The following GRK3 variants were observed in gnomAD, a reference collection of about 807,000 sequenced individuals.
GRK3 encodes G protein-coupled receptor kinase 3.
Under a neutral mutation model 95.7 loss-of-function variants are expected in GRK3, and 54 were observed. The ratio of observed to expected loss-of-function variants is 0.56; its 90% CI spans 0.45 to 0.71. The LOEUF is 0.71. GRK3 is among the 30% of genes least tolerant of loss of function. The pLI is 0.00. For missense variants in GRK3, 649 were observed against 851.2 expected, an observed-to-expected ratio of 0.76 and a Z score of 2.96; for synonymous variants, 281 against 290.8, an observed-to-expected ratio of 0.97 and a Z score of 0.34.
At chr22:25,591,727 C>T (rs182457274) in intron 1 of GRK3, among the ~76,000 whole-genome samples, 1 of 152,310 alleles carries the variant, frequency 6.6e-6, no homozygotes, top group South Asian at 2.1e-4. Flanking sequence ...GCTCCTGCCT[C>T]TTTGTAATCA....
intron 3 of GRK3, among the ~76,000 whole-genome samples, chr22:25,650,370 A>G (rs1176938692): frequency 6.6e-6 from 1 of 152,146 alleles, no homozygotes; most frequent in Non-Finnish European, 1.5e-5. Context: ...TATCCAATCC[A>G]AGGGGAAATC....
chr22:25,684,445 G>A (rs2085098083), intron 9 of GRK3: 1 of 152,164 alleles, frequency 6.6e-6, no homozygotes. Context: ...CTTTACAATT[G>A]AGTTATTGAG....
At chr22:25,650,002 T>C (rs1367007143) in intron 3 of GRK3, among the ~76,000 whole-genome samples, 1 of 152,112 alleles carries the variant, frequency 6.6e-6, no homozygotes, top group Non-Finnish European at 1.5e-5. Context: ...TGATTTTTTT[T>C]TTTTTTTGAG....
At chr22:25,653,500 G>A (rs1344092063) in intron 3 of GRK3, among the ~76,000 whole-genome samples, 1 of 152,098 alleles carries the variant, frequency 6.6e-6, no homozygotes, top group Admixed American at 6.6e-5. Context: ...TAACTTCAAA[G>A]AATATAAAGC....
chr22:25,667,879 TA>T (rs2146408280), intron 6 of GRK3, 79 bp downstream of exon 6: 1 of 811,862 alleles, frequency 1.2e-6, no homozygotes, highest in East Asian at 2.5e-5. Flanking sequence ...ATGCTGACCT[TA>T]AAATGTGTGT....
At chr22:25,685,701 A>G (rs2085107548) in intron 10 of GRK3, among the ~76,000 whole-genome samples, 1 of 152,198 alleles carries the variant, frequency 6.6e-6, no homozygotes, top group African/African-American at 2.4e-5. Context: ...AATCTGCACT[A>G]CTGTACATTG....
intron 13 of GRK3, among the ~76,000 whole-genome samples, chr22:25,698,854 C>T (rs141756813): frequency 9.3e-4 from 142 of 152,180 alleles, no homozygotes; most frequent in East Asian, 8.9e-3. Flanking sequence ...AATGACATGG[C>T]GGCATTGCAG....
Position 25,664,731 on chromosome 22 carries a change from G to A in GRK3, c.441+1027G>A, listed in dbSNP as rs191079350. ...AGACGGGGTTTCATTGTGTTAGCCA[G>A]GATGGTCTTGATCTCCTGATCTTGT... is the stretch of plus-strand genomic sequence containing the variant. On this transcript the variant is annotated intron_variant, in intron 5 of 20. Coordinates refer to ENST00000324198, the MANE Select transcript of GRK3 (RefSeq NM_005160.4). 5.0e-3 allele frequency among the ~76,000 whole-genome samples: 754 copies of A among 152,154 alleles called. 9 individuals are homozygous for A. Among genetic ancestry groups the A allele is most frequent in the Non-Finnish European group, 6.3e-3 (427 of 67,990 alleles).
At chr22:25,567,881 A>G (rs192232518) in intron 1 of GRK3, among the ~76,000 whole-genome samples, 31 of 152,380 alleles carry the variant, frequency 2.0e-4, no homozygotes, top group African/African-American at 7.2e-4. Flanking sequence ...CCTGCCTATT[A>G]CAGGAGAGTC....
rs1417014904 is a variant in GRK3 at position 25,721,300 on chromosome 22, T to C, written c.1808T>C (p.Met603Thr). 1 of 1,585,964 alleles carries C rather than the reference T, an allele frequency of 6.3e-7. No individual in the cohort carries two copies. Among genetic ancestry groups the C allele is most frequent in the Non-Finnish European group, 8.6e-7 (1 of 1,164,774 alleles). Reference protein sequence around the residue: ...EGESRQNLLTMEQILSVEETQ... With the variant: ...EGESRQNLLTTEQILSVEETQ... ...TATGGTTAGCAAAATTTACTGACAATGGAACAGATTCTCTCTGTGGAAGAA... is the reference window on the plus strand; with the variant it reads ...TATGGTTAGCAAAATTTACTGACAACGGAACAGATTCTCTCTGTGGAAGAA... Residue 603 changes from methionine (M) to threonine (T), a missense_variant, in exon 20 of 21, where the codon ATG becomes ACG. Met to Thr is a moderately conservative substitution (Grantham distance 81). Transcript: ENST00000324198.
chr22:25,722,780 G>T lies in GRK3; in HGVS notation c.*330G>T. ...ACTCCCCAGAATGGAATTTAAAGAT[G>T]TTCAGTGTTGGGTAACAGATTGCCC... On this transcript the variant is annotated 3_prime_UTR_variant, in exon 21 of 21. Transcript: ENST00000324198. The T allele has an allele frequency of 4.8e-6, 1 of 208,374 alleles. No individual in the cohort carries two copies. The highest frequency in any genetic ancestry group is 9.7e-6 in the Non-Finnish European group (1 of 103,162). 12.9% of individuals were successfully genotyped at this position (208,374 alleles called of 1,614,324 possible).
At chr22:25,600,478 C>G (rs1487859290) in intron 1 of GRK3, among the ~76,000 whole-genome samples, 4 of 151,974 alleles carry the variant, frequency 2.6e-5, no homozygotes, top group Admixed American at 6.6e-5. Flanking sequence ...ACCAACTACG[C>G]CTCAAAATAT....
At chr22:25,630,226 A>C (rs1569170997) in intron 2 of GRK3, among the ~76,000 whole-genome samples, 1 of 151,382 alleles carries the variant, frequency 6.6e-6, no homozygotes, top group Non-Finnish European at 1.5e-5. Context: ...CAACCTCCCC[A>C]CCCCCACTTT....
At chr22:25,701,333 C>G (rs764540330) in intron 13 of GRK3, among the ~76,000 whole-genome samples, 2 of 152,156 alleles carry the variant, frequency 1.3e-5, no homozygotes, top group Non-Finnish European at 2.9e-5. Context: ...AAATAGAAAC[C>G]AAGTCTTTGG....
At chr22:25,589,571 G>T (rs1389791630) in intron 1 of GRK3, among the ~76,000 whole-genome samples, 5 of 152,146 alleles carry the variant, frequency 3.3e-5, no homozygotes, top group African/African-American at 1.2e-4. Flanking sequence ...TGGTGAGGAG[G>T]AGTATAAAAG....
chr22:25,655,940 C>T (rs937515267), intron 3 of GRK3, among the ~76,000 whole-genome samples: 3 of 152,200 alleles, frequency 2.0e-5, no homozygotes, highest in Non-Finnish European at 4.4e-5. Flanking sequence ...TGTTCCGTTA[C>T]GTGCAGCATA....
intron 1 of GRK3, among the ~76,000 whole-genome samples, chr22:25,595,687 C>A (rs1481916808): frequency 6.6e-6 from 1 of 151,986 alleles, no homozygotes; most frequent in Admixed American, 6.6e-5. Context: ...TGGCTTGCAC[C>A]AATAATTCCA....
intron 2 of GRK3, among the ~76,000 whole-genome samples, chr22:25,637,925 GTTCTGTTCAGGCT>G (rs1273695488): frequency 6.6e-6 from 1 of 152,162 alleles, no homozygotes; most frequent in Non-Finnish European, 1.5e-5. Context: ...TGATCTTTTT[GTTCTGTTCAGGCT>G]TTCAGCTGAT....
chr22:25,572,067 C>T (rs1340369756), intron 1 of GRK3, among the ~76,000 whole-genome samples: 4 of 140,942 alleles, frequency 2.8e-5, no homozygotes, highest in Non-Finnish European at 1.5e-5. Context: ...TCCAAGTGTT[C>T]TCATTGTTCA....
Sources: gnomAD v4.1 joint callset for allele counts (sites outside exome capture counted in the v4.1 genomes callset) on GRCh38, gnomAD v4.1.1 for gene constraint, MANE v1.5 for transcripts, NCBI Gene and HGNC (gene_info 2026-07-23, HGNC 2026-07-21) for gene names.